Variants in AGR3 observed in about 807,000 individuals in gnomAD.
AGR3 encodes anterior gradient 3, protein disulphide isomerase family member, also known as anterior gradient protein 3.
AGR3 carries 37 observed loss-of-function variants against 24.5 expected under a neutral mutation model. The observed-to-expected ratio is 1.51, with a 90% CI of 1.16 to 1.99. The LOEUF (loss-of-function observed/expected upper bound fraction) is 1.99. Ranked by LOEUF, AGR3 falls within the 30% of genes most tolerant of loss-of-function variation. The pLI is 0.00. For synonymous variants in AGR3, 75 were observed against 61.6 expected (o/e 1.22, Z -1.02); for missense variants, 228 against 191.1 (o/e 1.19, Z -1.14).
At chr7:16,867,191 A>G (rs1348021978) in intron 3 of AGR3, among the ~76,000 whole-genome samples, 1 of 151,950 alleles carries the variant, frequency 6.6e-6, no homozygotes, top group Non-Finnish European at 1.5e-5. Context: ...TTTCTAATTT[A>G]TTTTTGCATA....
chr7:16,865,177 C>A (rs1292652818), intron 3 of AGR3: 23 of 745,874 alleles, frequency 3.1e-5, no homozygotes, highest in Non-Finnish European at 4.0e-5. Flanking sequence ...CTTTCAAAAA[C>A]CCTATCAGTT....
At chr7:16,855,703 A>G (rs2115397424), downstream of AGR3, among the ~76,000 whole-genome samples, 2 of 152,336 alleles carry the variant, frequency 1.3e-5, no homozygotes, top group Middle Eastern at 6.8e-3. Flanking sequence ...TTCTTTACTC[A>G]GTAAGGAGGT....
downstream of AGR3, among the ~76,000 whole-genome samples, chr7:16,855,135 G>A (rs767585041): frequency 2.6e-5 from 4 of 152,100 alleles, no homozygotes; most frequent in Non-Finnish European, 5.9e-5. Context: ...TATTGGGAAC[G>A]TTCAATATCT....
chr7:16,863,572 A>AC (rs1287492099), intron 3 of AGR3, among the ~76,000 whole-genome samples: 1 of 152,106 alleles, frequency 6.6e-6, no homozygotes, highest in Non-Finnish European at 1.5e-5. Flanking sequence ...ATATAACTGA[A>AC]AATCTATATG....
rs1782039149 is a variant in AGR3 at position 16,878,574 on chromosome 7, T to C, written c.45A>G (p.Thr15=). ...TTGCAATGGCAAGGTTGGAAGAAAC[T>C]GTGACGAGTAAGAGGCAGAGACCCA... ...SALGLCLLLV[T]VSSNLAIAIK... The change falls in exon 2 of 8, where the codon ACA becomes ACG. Residue 15 remains threonine (T), a synonymous_variant. Transcript: ENST00000310398. 1 of 1,614,150 alleles carries C rather than the reference T, an allele frequency of 6.2e-7. No individual in the cohort carries two copies. The highest frequency in any genetic ancestry group is 2.2e-5 in the East Asian group (1 of 44,872).
chr7:16,864,224 A>G lies in AGR3; in HGVS notation c.174-1562T>C, dbSNP rs1438008374. 4.2e-6 allele frequency: 5 copies of G among 1,197,952 alleles called. No homozygotes were observed. The Admixed American group carries it at 1.1e-4, about 26-fold the overall frequency. 74.2% of individuals were successfully genotyped at this position (1,197,952 alleles called of 1,614,324 possible). On this transcript the variant is annotated intron_variant, in intron 3 of 7. Coordinates refer to ENST00000310398, the MANE Select transcript of AGR3 (RefSeq NM_176813.5). ...TGAAGTACCACTGAATGAAACAAAA[A>G]TGAATCTGTGAAGTAGCAATCTGAT...
intron 5 of AGR3, 66 bp from the exon 6 acceptor site, chr7:16,861,513 T>G (rs530310583): frequency 1.2e-4 from 162 of 1,346,448 alleles, no homozygotes; most frequent in Non-Finnish European, 1.5e-4. Context: ...TCAAGATGAT[T>G]TTGTGTGACT....
At chr7:16,855,467 G>A (rs966990707), downstream of AGR3, among the ~76,000 whole-genome samples, 1 of 152,090 alleles carries the variant, frequency 6.6e-6, no homozygotes, top group Non-Finnish European at 1.5e-5. Context: ...GCTAATACCA[G>A]GGGAGCCAAG....
In AGR3 at chr7:16,872,303, C is replaced by A. The variant is rs183657836; in HGVS notation, c.173+1477G>T. On this transcript the variant is annotated intron_variant, in intron 3 of 7. Coordinates refer to ENST00000310398, the MANE Select transcript of AGR3 (RefSeq NM_176813.5). The stretch of plus-strand genomic sequence containing the variant: ...AATAGAGAACCCAGAAATAAATCCA[C>A]GTATTTAAAGTCAGCTGATTTTTAA... 2.4e-4 allele frequency among the ~76,000 whole-genome samples: 36 copies of A among 152,192 alleles called. 1 individual carries two copies. The highest frequency in any genetic ancestry group is 2.2e-3 in the Admixed American group (33 of 15,272).
intron 1 of AGR3, among the ~76,000 whole-genome samples, chr7:16,879,780 A>G (rs1416684536): frequency 6.6e-6 from 1 of 152,226 alleles, no homozygotes; most frequent in Non-Finnish European, 1.5e-5. Flanking sequence ...TATAAGACAC[A>G]ATGTTTTGGC....
chr7:16,864,516 C>G, intron 3 of AGR3: 1 of 1,277,388 alleles, frequency 7.8e-7, no homozygotes, highest in Non-Finnish European at 1.1e-6. Context: ...TCAGGGCTTC[C>G]ATTTTCAGTC....
At chr7:16,865,197 T>G in intron 3 of AGR3, 1 of 759,814 alleles carries the variant, frequency 1.3e-6, no homozygotes, top group Non-Finnish European at 2.3e-6. Flanking sequence ...TTTTTTTCTT[T>G]GTTTTGATTT....
In AGR3 at chr7:16,864,457, T is replaced by G. The variant is rs1781710024; in HGVS notation, c.174-1795A>C. 8 of 1,293,740 alleles carry G rather than the reference T, an allele frequency of 6.2e-6. No homozygotes were observed. In the Admixed American group the frequency reaches 1.3e-4, roughly 22 times the overall value. The allele number at this position is 1,293,740 out of a possible 1,614,324, so 80.1% of individuals were successfully genotyped here. On this transcript the variant is annotated intron_variant, in intron 3 of 7. Transcript: ENST00000310398. Reference sequence around the variant, plus strand: ...CTCTGCAGAATGTCCTCCGTTAAGCTGGGCTTCATCTCCACTGTCAGGGTC... The same window carrying G: ...CTCTGCAGAATGTCCTCCGTTAAGCGGGGCTTCATCTCCACTGTCAGGGTC...
chr7:16,881,342 T>C (rs1782112975), intron 1 of AGR3, among the ~76,000 whole-genome samples: 1 of 152,240 alleles, frequency 6.6e-6, no homozygotes, highest in Admixed American at 6.5e-5. Flanking sequence ...AAATATATTC[T>C]GTGACAAAGC....
In AGR3 at chr7:16,859,428, T is replaced by C. The variant is rs1781598422; in HGVS notation, c.*154A>G. On this transcript the variant is annotated 3_prime_UTR_variant, in exon 8 of 8. Coordinates refer to ENST00000310398, the MANE Select transcript of AGR3 (RefSeq NM_176813.5). Reference sequence around the variant, plus strand: ...TTGTCAGTCTCAGATTTAAAAAACATTTATTTTAATAAGACTATTGCAAAC... The same window carrying C: ...TTGTCAGTCTCAGATTTAAAAAACACTTATTTTAATAAGACTATTGCAAAC... 1.7e-6 allele frequency: 1 copy of C among 578,314 alleles called. No homozygotes were observed. Among genetic ancestry groups the C allele is most frequent in the Admixed American group, 3.2e-5 (1 of 31,042 alleles). The allele number at this position is 578,314 out of a possible 1,614,324, so 35.8% of individuals were successfully genotyped here.
At chr7:16,875,044 G>A (rs1261130378) in intron 2 of AGR3, among the ~76,000 whole-genome samples, 1 of 151,286 alleles carries the variant, frequency 6.6e-6, no homozygotes, top group Non-Finnish European at 1.5e-5. Context: ...TGAACCTGGG[G>A]GTGGATGTTG....
At chr7:16,878,437 G>A (rs757629814) in intron 2 of AGR3, 73 bp downstream of exon 2, 463 of 1,300,326 alleles carry the variant, frequency 3.6e-4, no homozygotes, top group Non-Finnish European at 4.8e-4. Flanking sequence ...ATTAGACTAT[G>A]AGTGAAGACA....
At chr7:16,857,331 A>G (rs1781566618), downstream of AGR3, among the ~76,000 whole-genome samples, 1 of 152,232 alleles carries the variant, frequency 6.6e-6, no homozygotes, top group Non-Finnish European at 1.5e-5. Flanking sequence ...ATTAAAATAT[A>G]AAGGTATATA....
At chr7:16,873,628 T>C in intron 3 of AGR3, 152 bp downstream of exon 3, 1 of 614,258 alleles carries the variant, frequency 1.6e-6, no homozygotes, top group Non-Finnish European at 2.8e-6. Context: ...AGAAATGATA[T>C]GTTTCAGGTG....
Sources: gnomAD v4.1 joint callset for allele counts (sites outside exome capture counted in the v4.1 genomes callset) on GRCh38, gnomAD v4.1.1 for gene constraint, MANE v1.5 for transcripts, NCBI Gene and HGNC (gene_info 2026-07-23, HGNC 2026-07-21) for gene names.